Variants in TTC7B observed in about 807,000 individuals in gnomAD.
TTC7B encodes the protein tetratricopeptide repeat domain 7B.
Under a neutral mutation model 106.8 loss-of-function variants are expected in TTC7B, and 28 were observed. The observed-to-expected ratio is 0.26, with a 90% confidence interval of 0.19 to 0.36. TTC7B has a LOEUF of 0.36. Among genes scored for constraint, TTC7B ranks in the 10% least tolerant of loss-of-function variants. The probability of loss-of-function intolerance (pLI) is 1.00; values close to 1 mark genes in which losing one functional copy is unlikely to be tolerated. For synonymous variants in TTC7B, 405 were observed against 430.6 expected, an observed-to-expected ratio of 0.94 and a Z score of 0.74; for missense variants, 862 against 1,076.4, an observed-to-expected ratio of 0.80 and a Z score of 2.79.
chr14:90,773,852 A>C (rs1255758578), intron 3 of TTC7B, among the ~76,000 whole-genome samples: 1 of 152,092 alleles, frequency 6.6e-6, no homozygotes, highest in Non-Finnish European at 1.5e-5. Flanking sequence ...TTCAGTGTTG[A>C]TCGGCCTCAC....
At chr14:90,700,146 CT>C (rs61098454) in intron 5 of TTC7B, among the ~76,000 whole-genome samples, 1,931 of 152,336 alleles carry the variant, frequency 0.013, 41 homozygotes, top group African/African-American at 0.045. Flanking sequence ...CCCTCGGGGG[CT>C]TTGCTTATAG....
intron 1 of TTC7B, among the ~76,000 whole-genome samples, chr14:90,795,130 C>T (rs1189464544): frequency 6.6e-6 from 1 of 151,922 alleles, no homozygotes; most frequent in South Asian, 2.1e-4. Flanking sequence ...AAATATAAAA[C>T]AAGATCAAAA....
intron 17 of TTC7B, chr14:90,605,517 G>T: frequency 9.3e-7 from 1 of 1,077,006 alleles, no homozygotes; most frequent in Non-Finnish European, 1.2e-6. Flanking sequence ...TTCCTCTCCA[G>T]CTTATCAGTT....
At chr14:90,795,922 C>G (rs1263100061) in intron 1 of TTC7B, among the ~76,000 whole-genome samples, 1 of 152,152 alleles carries the variant, frequency 6.6e-6, no homozygotes, top group East Asian at 1.9e-4. Flanking sequence ...CCTGATAGTC[C>G]TGGAAACAAT....
chr14:90,708,754 G>A (rs193093650), intron 5 of TTC7B, among the ~76,000 whole-genome samples: 1 of 152,276 alleles, frequency 6.6e-6, no homozygotes, highest in East Asian at 1.9e-4. Context: ...GTTTACCATA[G>A]ATAGTGATTC....
At chr14:90,694,825 C>T (rs1190461741) in intron 6 of TTC7B, among the ~76,000 whole-genome samples, 4 of 134,532 alleles carry the variant, frequency 3.0e-5, no homozygotes, top group African/African-American at 8.1e-5. Flanking sequence ...ATTTTATATA[C>T]ATATATATGT....
At chr14:90,779,533 G>A (rs1045399755) in intron 3 of TTC7B, among the ~76,000 whole-genome samples, 2 of 152,196 alleles carry the variant, frequency 1.3e-5, no homozygotes, top group Non-Finnish European at 2.9e-5. Context: ...TCGAACTCCT[G>A]ACCTCAGGTG....
chr14:90,644,782 C>T (rs1885361739), intron 14 of TTC7B: 1 of 152,202 alleles, frequency 6.6e-6, no homozygotes, highest in Admixed American at 6.5e-5. Context: ...ATCAAGGAAA[C>T]ATGCCAAAAA....
intron 4 of TTC7B, among the ~76,000 whole-genome samples, chr14:90,740,968 ATGAGTTAACC>A (rs758621122): frequency 2.9e-4 from 44 of 152,254 alleles, no homozygotes; most frequent in Admixed American, 5.2e-4. Context: ...TGGGAGGCAC[ATGAGTTAACC>A]CACCTCACCT....
rs1017011463 is a variant in TTC7B, at chr14:90,531,402, T to C, written c.*9966A>G. The C allele has an allele frequency of 3.3e-5, 5 of 151,170 alleles. No homozygotes were observed. Among genetic ancestry groups the C allele is most frequent in the African/African-American group, 7.3e-5 (3 of 41,036 alleles). 9.4% of individuals were successfully genotyped at this position (151,170 alleles called of 1,614,324 possible). A position where few individuals can be genotyped will look rare whatever the true frequency, so the allele number is the denominator to read the frequency against. On this transcript the variant is annotated 3_prime_UTR_variant, in exon 20 of 20. Coordinates refer to ENST00000328459, the MANE Select transcript of TTC7B (RefSeq NM_001010854.2). ...CTGACCTACATGGTGAAACTCTGTC[T>C]CTACTAAGCACAAAAAATCAAAAAT...
At chr14:90,766,963 A>G in intron 3 of TTC7B, 1 of 1,434,568 alleles carries the variant, frequency 7.0e-7, no homozygotes, top group Non-Finnish European at 9.7e-7. Context: ...CCATGGCCGC[A>G]CTGTGGGTGT....
rs75762452 is a variant in TTC7B at position 90,812,999 on chromosome 14, G to T, written c.121+3176C>A. On this transcript the variant is annotated intron_variant, in intron 1 of 19. Transcript: ENST00000328459. The stretch of plus-strand genomic sequence containing the variant: ...ACAAGTGGGAGCTTTGGGAAGGAGG[G>T]ATTCCTCTGCTCAGAACTCTCCCAT... Among the ~76,000 whole-genome samples, 502 of 152,130 alleles carry T rather than the reference G, an allele frequency of 3.3e-3. 6 individuals carry two copies. Among genetic ancestry groups the T allele is most frequent in the African/African-American group, 0.011 (474 of 41,508 alleles).
In TTC7B at chr14:90,624,883, G is replaced by A. The variant is rs1323867591; in HGVS notation, c.1752-6838C>T. Reference sequence around the variant, plus strand: ...GCGAGCTCCTGGGCTCTGCATGCCAGGGACCTGCTCTTTCTTTGTTTATCT... The same window carrying A: ...GCGAGCTCCTGGGCTCTGCATGCCAAGGACCTGCTCTTTCTTTGTTTATCT... On this transcript the variant is annotated intron_variant, in intron 15 of 19. Coordinates refer to ENST00000328459, the MANE Select transcript of TTC7B (RefSeq NM_001010854.2). The surrounding 1 kb of genome is among the most constrained non-coding windows in gnomAD (Gnocchi z 4.0). 6.6e-6 allele frequency among the ~76,000 whole-genome samples: 1 copy of A among 152,198 alleles called. No individual in the cohort carries two copies. Among genetic ancestry groups the A allele is most frequent in the Non-Finnish European group, 1.5e-5 (1 of 68,030 alleles).
At chr14:90,574,921 T>C (rs186016972) in intron 19 of TTC7B, among the ~76,000 whole-genome samples, 2 of 152,342 alleles carry the variant, frequency 1.3e-5, no homozygotes, top group East Asian at 3.9e-4. Context: ...GGAGCCTCCG[T>C]AGTTGGCTCT....
intron 17 of TTC7B, among the ~76,000 whole-genome samples, chr14:90,599,331 C>T (rs760585003): frequency 2.0e-5 from 3 of 152,310 alleles, no homozygotes; most frequent in Non-Finnish European, 2.9e-5. Context: ...AAGGACCCCT[C>T]GCCTTCCCTC....
At chr14:90,567,477 G>C (rs1031860130) in intron 19 of TTC7B, 3 of 152,186 alleles carry the variant, frequency 2.0e-5, no homozygotes, top group Admixed American at 2.0e-4. Flanking sequence ...GGGGCTGTCT[G>C]AGCCTCGGAG....
At chr14:90,763,691 G>A (rs1227547699) in intron 3 of TTC7B, among the ~76,000 whole-genome samples, 2 of 152,072 alleles carry the variant, frequency 1.3e-5, no homozygotes, top group Admixed American at 6.5e-5. Flanking sequence ...AAACAAAAAT[G>A]AGCTGTATTT....
chr14:90,595,908 C>T (rs780746373), intron 17 of TTC7B, among the ~76,000 whole-genome samples: 4 of 152,122 alleles, frequency 2.6e-5, no homozygotes, highest in African/African-American at 7.2e-5. Context: ...AGCCTGTACA[C>T]GGGCCAGGCA....
At chr14:90,736,361 A>G (rs1213277752) in intron 4 of TTC7B, among the ~76,000 whole-genome samples, 2 of 152,128 alleles carry the variant, frequency 1.3e-5, no homozygotes, top group African/African-American at 4.8e-5. Flanking sequence ...TCACGTGGTC[A>G]GGAGTTCGAG....
Sources: gnomAD v4.1 joint callset for allele counts (sites outside exome capture counted in the v4.1 genomes callset) on GRCh38, gnomAD v4.1.1 for gene constraint, Gnocchi (gnomAD v3.1) non-coding constraint, MANE v1.5 for transcripts, NCBI Gene and HGNC (gene_info 2026-07-23, HGNC 2026-07-21) for gene names.